Variants in GRID1 observed in about 807,000 individuals in gnomAD.
The protein encoded by GRID1 is glutamate ionotropic receptor delta type subunit 1, also known as glutamate receptor ionotropic, delta-1.
Under a neutral mutation model 98.0 loss-of-function variants are expected in GRID1, and 28 were observed. The ratio of observed to expected loss-of-function variants is 0.29; its 90% confidence interval spans 0.21 to 0.39. The LOEUF (loss-of-function observed/expected upper bound fraction) is 0.39. Ranked by LOEUF, GRID1 falls within the 10% of genes least tolerant of loss-of-function variation. GRID1 has a pLI of 1.00. For missense variants in GRID1, 1,111 were observed against 1,340.5 expected (o/e 0.83, Z 2.67); for synonymous variants, 553 against 538.5 (o/e 1.03, Z -0.37).
chr10:85,782,710 C>T (rs1230333268), intron 8 of GRID1, among the ~76,000 whole-genome samples: 2 of 152,210 alleles, frequency 1.3e-5, no homozygotes, highest in Non-Finnish European at 2.9e-5. Context: ...AGATGCATGC[C>T]TGGTGGGCAT....
chr10:86,165,554 G>A (rs1003390112), intron 3 of GRID1, among the ~76,000 whole-genome samples: 4 of 152,212 alleles, frequency 2.6e-5, no homozygotes, highest in Non-Finnish European at 5.9e-5. Context: ...GGCCAAAGAG[G>A]CGGCCTGTGG....
At chr10:85,808,440 A>C in intron 8 of GRID1, among the ~76,000 whole-genome samples, 1 of 152,338 alleles carries the variant, frequency 6.6e-6, no homozygotes, top group East Asian at 1.9e-4. Flanking sequence ...ATGACACGTA[A>C]CTAGCTTGCA....
intron 5 of GRID1, among the ~76,000 whole-genome samples, chr10:85,895,019 ATATAT>A (rs1564620772): frequency 1.7e-4 from 17 of 98,104 alleles, no homozygotes; most frequent in African/African-American, 3.3e-4. Context: ...AAAAAAAAAT[ATATAT>A]ATATATATAT....
At chr10:86,150,577 C>G (rs1375673858) in intron 3 of GRID1, among the ~76,000 whole-genome samples, 1 of 152,214 alleles carries the variant, frequency 6.6e-6, no homozygotes, top group Non-Finnish European at 1.5e-5. Context: ...AATGCCACAG[C>G]CAGATGACAT....
chr10:85,847,735 C>G (rs1843020115), intron 8 of GRID1, among the ~76,000 whole-genome samples: 1 of 151,162 alleles, frequency 6.6e-6, no homozygotes, highest in Admixed American at 6.6e-5. Flanking sequence ...AATCAAGCCA[C>G]AAAAATAACT....
intron 2 of GRID1, among the ~76,000 whole-genome samples, chr10:86,274,364 T>A (rs1248236032): frequency 6.6e-6 from 1 of 152,234 alleles, no homozygotes; most frequent in African/African-American, 2.4e-5. Context: ...AGCTTTGTTC[T>A]TTTGGCTTAG....
chr10:85,931,597 C>A (rs2131832824), intron 4 of GRID1, among the ~76,000 whole-genome samples: 1 of 152,188 alleles, frequency 6.6e-6, no homozygotes, highest in Non-Finnish European at 1.5e-5. Flanking sequence ...TCATAGCAAC[C>A]TGTTCATGTC....
At chr10:85,953,354 G>A (rs570254199) in intron 4 of GRID1, among the ~76,000 whole-genome samples, 9 of 152,202 alleles carry the variant, frequency 5.9e-5, no homozygotes, top group African/African-American at 2.2e-4. Context: ...ACACACACTG[G>A]GGCCTATTAG....
chr10:86,089,049 C>T (rs1844105350), intron 4 of GRID1, among the ~76,000 whole-genome samples: 1 of 152,204 alleles, frequency 6.6e-6, no homozygotes, highest in South Asian at 2.1e-4. Flanking sequence ...CTCCCCAACA[C>T]CAGCAAAGCC....
At chr10:85,684,488 T>C (rs1216804413) in intron 12 of GRID1, among the ~76,000 whole-genome samples, 6 of 152,290 alleles carry the variant, frequency 3.9e-5, no homozygotes, top group Admixed American at 2.6e-4. Context: ...GAAAAAACTA[T>C]AATCATCTTC....
chr10:86,232,566 G>A (rs947195114), intron 2 of GRID1, among the ~76,000 whole-genome samples: 13 of 152,192 alleles, frequency 8.5e-5, no homozygotes, highest in Non-Finnish European at 1.2e-4. Context: ...GAGATACTGC[G>A]AAGTGACTGG....
chr10:86,009,816 C>G (rs1842904583), intron 4 of GRID1, among the ~76,000 whole-genome samples: 1 of 152,046 alleles, frequency 6.6e-6, no homozygotes, highest in South Asian at 2.1e-4. Context: ...CATCAGACAC[C>G]GGAATGGAGA....
rs537256260 is a variant in GRID1, at chr10:86,247,838, C to G, written c.236-41190G>C. Among the ~76,000 whole-genome samples, 237 of 152,282 alleles carry G rather than the reference C, an allele frequency of 1.6e-3. 1 individual carries two copies. Among genetic ancestry groups the G allele is most frequent in the African/African-American group, 5.5e-3 (230 of 41,544 alleles). ...CCCAGCACTCCTCCTTCAAGGAGGC[C>G]TGGCATAGGCACAGAGCCCAGGCAG... On this transcript the variant is annotated intron_variant, in intron 2 of 15. Coordinates refer to ENST00000327946, the MANE Select transcript of GRID1 (RefSeq NM_017551.3).
rs187761342 is a variant in GRID1 at position 85,840,864 on chromosome 10, T to G, written c.1233+13632A>C. ...TGACATTAACAAATGAAAAAAACAT[T>G]CATGCTCATGGATAGAAAGAATCAA... On this transcript the variant is annotated intron_variant, in intron 8 of 15. Transcript: ENST00000327946. 2.7e-3 allele frequency among the ~76,000 whole-genome samples: 417 copies of G among 152,210 alleles called. 1 individual carries two copies. The highest frequency in any genetic ancestry group is 4.8e-3 in the Non-Finnish European group (324 of 67,972).
chr10:85,984,466 G>A (rs377274277), intron 4 of GRID1, among the ~76,000 whole-genome samples: 1 of 152,140 alleles, frequency 6.6e-6, no homozygotes, highest in East Asian at 1.9e-4. Flanking sequence ...GGTCTGGGCG[G>A]GAGAGCCTTC....
chr10:86,106,717 G>A (rs1844392870), intron 4 of GRID1, among the ~76,000 whole-genome samples: 1 of 152,118 alleles, frequency 6.6e-6, no homozygotes, highest in African/African-American at 2.4e-5. Context: ...TGAGAAGAGG[G>A]GTCTTGGTGA....
At chr10:86,361,638 G>T (rs1405175222) in intron 2 of GRID1, among the ~76,000 whole-genome samples, 2 of 152,314 alleles carry the variant, frequency 1.3e-5, no homozygotes, top group East Asian at 3.9e-4. Context: ...GCGCTTACAG[G>T]TTGAATCACC....
chr10:85,707,766 T>C (rs1466179250), intron 12 of GRID1, among the ~76,000 whole-genome samples: 1 of 152,094 alleles, frequency 6.6e-6, no homozygotes, highest in Non-Finnish European at 1.5e-5. Flanking sequence ...ATATACACCA[T>C]GGAATACTCT....
intron 4 of GRID1, among the ~76,000 whole-genome samples, chr10:86,002,243 T>C (rs1330174152): frequency 6.6e-6 from 1 of 152,220 alleles, no homozygotes; most frequent in African/African-American, 2.4e-5. Context: ...CGACATTTCA[T>C]AGAAAATAGA....
Sources: allele counts gnomAD v4.1 joint callset (sites outside exome capture counted in the v4.1 genomes callset), GRCh38; gene constraint gnomAD v4.1.1; transcripts MANE v1.5; gene names NCBI Gene and HGNC (gene_info 2026-07-23, HGNC 2026-07-21).